SEC24A: variants seen among roughly 807,000 people sequenced by gnomAD.
SEC24A encodes protein transport protein Sec24A.
SEC24A carries 93 observed loss-of-function variants against 129.4 expected under a neutral mutation model. The observed-to-expected ratio is 0.72, with a 90% CI of 0.61 to 0.85. The LOEUF is 0.85. SEC24A is among the 40% of genes least tolerant of loss of function. The probability of loss-of-function intolerance (pLI) is 0.00; values close to 1 mark genes in which losing one functional copy is unlikely to be tolerated. For missense variants in SEC24A, 1,264 were observed against 1,307.4 expected (o/e 0.97, Z 0.51); for synonymous variants, 460 against 467.3 (o/e 0.98, Z 0.20).
intron 1 of SEC24A, among the ~76,000 whole-genome samples, chr5:134,655,592 C>G (rs1052586646): frequency 6.6e-6 from 1 of 151,922 alleles, no homozygotes; most frequent in African/African-American, 2.4e-5. Context: ...CACTTGAACC[C>G]GAGAGGTGGA....
At chr5:134,656,068 G>A (rs796370034) in intron 1 of SEC24A, among the ~76,000 whole-genome samples, 158 of 148,368 alleles carry the variant, frequency 1.1e-3, no homozygotes, top group African/African-American at 3.7e-3. Flanking sequence ...TGTCACTTTG[G>A]CTGCAGCTAA....
At chr5:134,714,893 A>AC in intron 18 of SEC24A, 131 bp from the exon 19 acceptor site, 1 of 896,290 alleles carries the variant, frequency 1.1e-6, no homozygotes, top group Non-Finnish European at 1.7e-6. Flanking sequence ...TAAAAAAGAT[A>AC]CTTTAAAAAA....
chr5:134,674,636 A>G lies in SEC24A; in HGVS notation c.839A>G (p.Lys280Arg), dbSNP rs1444542869. Residue 280 changes from lysine to arginine, a missense_variant, in exon 5 of 23, where the codon AAG becomes AGG. Lys to Arg is a conservative substitution (Grantham distance 26). Transcript: ENST00000398844. The part of the protein sequence containing the change: ...GLLATPQLTN[K>R]NPKMSRSVGY... ...CTAGCAACACCACAGCTTACTAACAAGAATCCCAAAATGAGCCGAAGTGTT... is the reference window on the plus strand; with the variant it reads ...CTAGCAACACCACAGCTTACTAACAGGAATCCCAAAATGAGCCGAAGTGTT... The G allele has an allele frequency of 6.2e-7, 1 of 1,613,810 alleles. No individual in the cohort carries two copies. Among genetic ancestry groups the G allele is most frequent in the Non-Finnish European group, 8.5e-7 (1 of 1,179,816 alleles).
intron 19 of SEC24A, among the ~76,000 whole-genome samples, chr5:134,716,684 G>A (rs1033614729): frequency 1.3e-4 from 20 of 150,094 alleles, no homozygotes; most frequent in Non-Finnish European, 5.9e-5. Flanking sequence ...TGTAATCCTG[G>A]GTACTCGGGA....
At chr5:134,696,184 C>T (rs371462162) in intron 13 of SEC24A, among the ~76,000 whole-genome samples, 34 of 151,432 alleles carry the variant, frequency 2.2e-4, no homozygotes, top group South Asian at 6.3e-4. Context: ...GCAGGAGAAT[C>T]GCTAGAAACC....
chr5:134,707,340 T>A (rs1012822066), intron 17 of SEC24A, among the ~76,000 whole-genome samples: 4 of 151,892 alleles, frequency 2.6e-5, no homozygotes, highest in East Asian at 1.9e-4. Flanking sequence ...TATTTATTTT[T>A]TTTTTTTGAG....
chr5:134,656,626 G>A (rs536810890), intron 1 of SEC24A, among the ~76,000 whole-genome samples: 13 of 151,942 alleles, frequency 8.6e-5, no homozygotes, highest in Non-Finnish European at 1.5e-4. Flanking sequence ...GACTATAGGC[G>A]TGTGCCACCA....
intron 3 of SEC24A, among the ~76,000 whole-genome samples, chr5:134,667,681 A>C (rs1020972491): frequency 2.0e-5 from 3 of 151,634 alleles, no homozygotes; most frequent in Admixed American, 6.6e-5. Flanking sequence ...AAAAAAAAAA[A>C]ACAAGATATA....
chr5:134,659,351 C>T (rs1214206267), intron 1 of SEC24A, among the ~76,000 whole-genome samples: 2 of 151,904 alleles, frequency 1.3e-5, no homozygotes, highest in Non-Finnish European at 1.5e-5. Flanking sequence ...GGATTATAGG[C>T]GTGAGCCACC....
intron 9 of SEC24A, among the ~76,000 whole-genome samples, chr5:134,683,179 C>T (rs561442901): frequency 6.6e-6 from 1 of 151,976 alleles, no homozygotes; most frequent in East Asian, 2.0e-4. Context: ...CGAGCCAACA[C>T]CTGGCTAATT....
At chr5:134,703,721 G>T in intron 15 of SEC24A, 38 bp from the exon 16 acceptor site, 1 of 1,319,794 alleles carries the variant, frequency 7.6e-7, no homozygotes, top group Non-Finnish European at 1.1e-6. Flanking sequence ...CAGTATGTAG[G>T]TATATAAAAA....
At chr5:134,652,771 TTTTG>T (rs572790655) in intron 1 of SEC24A, among the ~76,000 whole-genome samples, 4 of 151,872 alleles carry the variant, frequency 2.6e-5, no homozygotes, top group Admixed American at 6.6e-5. Context: ...TGATTTTGTA[TTTTG>T]TTTGTTTGTT....
At chr5:134,705,113 AT>A (rs1356683944) in intron 16 of SEC24A, among the ~76,000 whole-genome samples, 1 of 117,234 alleles carries the variant, frequency 8.5e-6, no homozygotes, top group African/African-American at 3.3e-5. Context: ...TAATTAATTT[AT>A]TTTTTTTTAA....
chr5:134,726,411 T>C lies in SEC24A; in HGVS notation c.*1317T>C, dbSNP rs1056469654. On this transcript the variant is annotated 3_prime_UTR_variant, in exon 23 of 23. Transcript: ENST00000398844. ...CAAAATATTTTTGGGTTTTTTGTTT[T>C]GTTTTAATGGGTTAGAAAATGTTTA... 6 of 152,614 alleles carry C rather than the reference T, an allele frequency of 3.9e-5. No individual in the cohort carries two copies. The highest frequency in any genetic ancestry group is 3.2e-3 in the Middle Eastern group (1 of 316). The allele number at this position is 152,614 out of a possible 1,614,324, so 9.5% of individuals were successfully genotyped here. A position where few individuals can be genotyped will look rare whatever the true frequency, so the allele number is the denominator to read the frequency against.
At chr5:134,657,765 C>T (rs1305165961) in intron 1 of SEC24A, among the ~76,000 whole-genome samples, 2 of 151,952 alleles carry the variant, frequency 1.3e-5, no homozygotes, top group East Asian at 3.9e-4. Flanking sequence ...TTTGTAGAGA[C>T]GAGGTCTCAC....
intron 8 of SEC24A, among the ~76,000 whole-genome samples, chr5:134,680,796 G>A (rs924857080): frequency 3.9e-5 from 6 of 151,988 alleles, no homozygotes; most frequent in African/African-American, 1.4e-4. Context: ...CTGGCCAAGA[G>A]TTTTTAAAAA....
intron 11 of SEC24A, among the ~76,000 whole-genome samples, chr5:134,690,391 G>T (rs2150094828): frequency 6.6e-6 from 1 of 152,222 alleles, no homozygotes; most frequent in East Asian, 1.9e-4. Context: ...ATAGCTTGCT[G>T]CAGCCTTGAA....
chr5:134,703,256 C>T (rs762544863), intron 15 of SEC24A, among the ~76,000 whole-genome samples: 11 of 151,926 alleles, frequency 7.2e-5, no homozygotes, highest in Non-Finnish European at 1.6e-4. Flanking sequence ...GCCAAATTAT[C>T]GTCCAAAAAT....
intron 9 of SEC24A, among the ~76,000 whole-genome samples, chr5:134,683,495 A>T (rs1009650098): frequency 2.6e-5 from 4 of 152,062 alleles, no homozygotes; most frequent in African/African-American, 9.7e-5. Flanking sequence ...ACTAATTACT[A>T]TGCCTAATTT....
Sources: allele counts gnomAD v4.1 joint callset (sites outside exome capture counted in the v4.1 genomes callset), GRCh38; gene constraint gnomAD v4.1.1; transcripts MANE v1.5; gene names NCBI Gene and HGNC (gene_info 2026-07-23, HGNC 2026-07-21).